Variants in METTL25 observed in about 807,000 individuals in gnomAD.
METTL25 encodes probable methyltransferase-like protein 25.
Under a neutral mutation model 71.6 loss-of-function variants are expected in METTL25, and 64 were observed. The ratio of observed to expected loss-of-function variants is 0.89; its 90% CI spans 0.73 to 1.10. METTL25 has a LOEUF of 1.10. METTL25 is among the 50% of genes least tolerant of loss of function. The pLI, the probability that METTL25 is intolerant of heterozygous loss-of-function variation, is 0.00. For missense variants in METTL25, 807 were observed against 707.0 expected, an observed-to-expected ratio of 1.14 and a Z score of -1.60; for synonymous variants, 287 against 250.3, an observed-to-expected ratio of 1.15 and a Z score of -1.38.
chr12:82,399,262 C>G lies in METTL25; in HGVS notation c.999C>G (p.Asn333Lys), dbSNP rs1207338990. The G allele has an allele frequency of 1.2e-6, 2 of 1,613,728 alleles. No homozygotes were observed. The highest frequency in any genetic ancestry group is 1.7e-6 in the Non-Finnish European group (2 of 1,179,834). The change falls in exon 4 of 12, where the codon AAC becomes AAG. Residue 333 changes from asparagine (N) to lysine (K), a missense_variant. By Grantham distance (94) the Asn-to-Lys change is moderately conservative (BLOSUM62 0). Coordinates refer to ENST00000248306, the MANE Select transcript of METTL25 (RefSeq NM_032230.3). ...CTACTTCTTCACAGCAAATACCCAA[C>G]AGAGAAACATCTGAAGCCAATAAAG... Reference protein sequence around the residue: ...VEPTSSQQIPNRETSEANKER... With the variant: ...VEPTSSQQIPKRETSEANKER...
At chr12:82,441,635 T>G (rs1368523009) in intron 8 of METTL25, among the ~76,000 whole-genome samples, 1 of 151,662 alleles carries the variant, frequency 6.6e-6, no homozygotes, top group East Asian at 1.9e-4. Flanking sequence ...GTTTTCTTTT[T>G]GTTTCATAGA....
intron 5 of METTL25, among the ~76,000 whole-genome samples, chr12:82,419,365 G>A (rs966735002): frequency 2.0e-5 from 3 of 152,090 alleles, no homozygotes; most frequent in African/African-American, 7.2e-5. Flanking sequence ...GGGCCTTGAA[G>A]GGAAAAGATA....
At chr12:82,406,699 C>G (rs1239329479) in intron 5 of METTL25, among the ~76,000 whole-genome samples, 1 of 152,062 alleles carries the variant, frequency 6.6e-6, no homozygotes, top group East Asian at 1.9e-4. Flanking sequence ...TCTTTATCAT[C>G]AAACATTAGT....
chr12:82,365,428 G>A (rs1565796122), intron 1 of METTL25, among the ~76,000 whole-genome samples: 2 of 152,138 alleles, frequency 1.3e-5, no homozygotes, highest in South Asian at 2.1e-4. Flanking sequence ...TAATATAGGC[G>A]AGATTAACCA....
At chr12:82,377,121 AAAAG>A (rs543513433) in intron 1 of METTL25, among the ~76,000 whole-genome samples, 11 of 152,300 alleles carry the variant, frequency 7.2e-5, no homozygotes, top group African/African-American at 9.6e-5. Flanking sequence ...CTCAAAAAAA[AAAAG>A]AAAGAAAGAA....
intron 3 of METTL25, among the ~76,000 whole-genome samples, chr12:82,392,981 G>C (rs1592640115): frequency 6.6e-6 from 1 of 151,990 alleles, no homozygotes; most frequent in African/African-American, 2.4e-5. Context: ...CTGTTTTATT[G>C]GTCTATGTGT....
chr12:82,368,998 C>T (rs1333916696), intron 1 of METTL25, among the ~76,000 whole-genome samples: 2 of 152,192 alleles, frequency 1.3e-5, no homozygotes, highest in Non-Finnish European at 2.9e-5. Flanking sequence ...CAACACTTCT[C>T]TTGGAATTTT....
chr12:82,390,034 G>T, intron 3 of METTL25, 112 bp downstream of exon 3: 2 of 645,516 alleles, frequency 3.1e-6, no homozygotes, highest in Non-Finnish European at 5.6e-6. Flanking sequence ...TTAAATAATA[G>T]CATCATTTAA....
chr12:82,404,198 A>T (rs1886882357), intron 5 of METTL25, among the ~76,000 whole-genome samples: 1 of 152,026 alleles, frequency 6.6e-6, no homozygotes, highest in South Asian at 2.1e-4. Flanking sequence ...GAAATAGTGA[A>T]ATTATGACTG....
At chr12:82,393,367 G>A (rs1274577525) in intron 3 of METTL25, among the ~76,000 whole-genome samples, 1 of 151,804 alleles carries the variant, frequency 6.6e-6, no homozygotes, top group Non-Finnish European at 1.5e-5. Context: ...TTTATTCCTA[G>A]GGATCTTATT....
intron 1 of METTL25, among the ~76,000 whole-genome samples, chr12:82,359,154 C>T (rs574666211): frequency 6.6e-6 from 1 of 152,172 alleles, no homozygotes; most frequent in South Asian, 2.1e-4. Flanking sequence ...TTTATAAATG[C>T]CAGCATGTGG....
At chr12:82,406,512 T>A (rs1297165688) in intron 5 of METTL25, among the ~76,000 whole-genome samples, 1 of 152,156 alleles carries the variant, frequency 6.6e-6, no homozygotes, top group Non-Finnish European at 1.5e-5. Flanking sequence ...GCTTTAGTCT[T>A]TTTCATTTTG....
chr12:82,476,652 A>G lies in METTL25; in HGVS notation c.1581A>G (p.Glu527=), dbSNP rs1180007882. ...TGTTTTTTATCTTGAAGCTGCCAGA[A>G]AAAATTATAATGAACTACTACGAGA... The part of the protein sequence containing the change: ...KLGLDESKLP[E]KIIMNYYEKY... Residue 527 remains glutamate, a synonymous_variant, in exon 10 of 12, where the codon GAA becomes GAG. Coordinates refer to ENST00000248306, the MANE Select transcript of METTL25 (RefSeq NM_032230.3). 6.3e-7 allele frequency: 1 copy of G among 1,592,326 alleles called. No homozygotes were observed. Among genetic ancestry groups the G allele is most frequent in the South Asian group, 1.2e-5 (1 of 86,496 alleles).
chr12:82,440,682 T>G (rs539368165), intron 8 of METTL25, among the ~76,000 whole-genome samples: 1 of 152,160 alleles, frequency 6.6e-6, no homozygotes, highest in African/African-American at 2.4e-5. Context: ...CAGGATGGCT[T>G]ATGTGAAAAC....
At chr12:82,396,272 T>C (rs1481896610) in intron 3 of METTL25, among the ~76,000 whole-genome samples, 1 of 152,090 alleles carries the variant, frequency 6.6e-6, no homozygotes, top group Non-Finnish European at 1.5e-5. Context: ...CTTCTGTGTT[T>C]CCCTGCAATA....
chr12:82,468,754 C>G (rs1220306259), intron 9 of METTL25: 1 of 152,372 alleles, frequency 6.6e-6, no homozygotes, highest in Non-Finnish European at 1.5e-5. Context: ...CCGAAACTGA[C>G]AGTGGCTTGT....
intron 1 of METTL25, among the ~76,000 whole-genome samples, chr12:82,370,592 C>G (rs1453401596): frequency 2.0e-5 from 3 of 152,132 alleles, no homozygotes; most frequent in African/African-American, 7.2e-5. Flanking sequence ...TCACTGCTGC[C>G]AAAGAGTCTA....
At chr12:82,410,992 A>G (rs1887517230) in intron 5 of METTL25, among the ~76,000 whole-genome samples, 1 of 152,078 alleles carries the variant, frequency 6.6e-6, no homozygotes, top group South Asian at 2.1e-4. Flanking sequence ...ATCTTAGAAA[A>G]TCCCCACTAA....
In METTL25 at chr12:82,417,854, T is replaced by G. The variant is rs143464072; in HGVS notation, c.1280-13039T>G. On this transcript the variant is annotated intron_variant, in intron 5 of 11. Coordinates refer to ENST00000248306, the MANE Select transcript of METTL25 (RefSeq NM_032230.3). The stretch of plus-strand genomic sequence containing the variant: ...AGAAGCTTTGTTGTTAAGATGACGT[T>G]GAGCAGACAGTTGAAAGATGAGGGA... Among the ~76,000 whole-genome samples the G allele has an allele frequency of 3.8e-3, 572 of 151,570 alleles. 4 individuals are homozygous for G. Among genetic ancestry groups the G allele is most frequent in the African/African-American group, 0.013 (544 of 41,534 alleles).
Sources: allele counts gnomAD v4.1 joint callset (sites outside exome capture counted in the v4.1 genomes callset), GRCh38; gene constraint gnomAD v4.1.1; transcripts MANE v1.5; gene names NCBI Gene and HGNC (gene_info 2026-07-23, HGNC 2026-07-21).